ZNF772: variants seen among roughly 807,000 people sequenced by gnomAD.
The protein encoded by ZNF772 is zinc finger protein 772.
In ZNF772, 8 loss-of-function variants were observed where a neutral mutation model predicts 11.0. That is an observed-to-expected ratio of 0.73 (90% confidence interval 0.43 to 1.31). ZNF772 has a LOEUF of 1.31. Ranked by LOEUF, ZNF772 falls within the 50% of genes most tolerant of loss-of-function variation. The pLI is 0.01. For synonymous variants in ZNF772, 155 were observed against 180.4 expected, an observed-to-expected ratio of 0.86 and a Z score of 1.13; for missense variants, 496 against 552.3, an observed-to-expected ratio of 0.90 and a Z score of 1.02.
intron 3 of ZNF772, 21 bp from the exon 4 acceptor site, chr19:57,474,442 G>A: frequency 6.3e-7 from 1 of 1,588,770 alleles, no homozygotes; most frequent in Non-Finnish European, 8.5e-7. Flanking sequence ...AGAAATGCTG[G>A]TGAAGTACAA....
In ZNF772 at chr19:57,474,431, G is replaced by C. The variant is rs2089259470; in HGVS notation, c.200-10C>G. 3.8e-6 allele frequency: 6 copies of C among 1,594,096 alleles called. No individual in the cohort carries two copies. The highest frequency in any genetic ancestry group is 4.3e-6 in the Non-Finnish European group (5 of 1,172,956). ...ATTCCATGCCAACAACCTGAAAGCAGAGAAATGCTGGTGAAGTACAAATTG... is the reference window on the plus strand; with the variant it reads ...ATTCCATGCCAACAACCTGAAAGCACAGAAATGCTGGTGAAGTACAAATTG... On this transcript the variant is annotated splice_polypyrimidine_tract_variant and intron_variant, in intron 3 of 3. Coordinates refer to ENST00000356584, the MANE Select transcript of ZNF772 (RefSeq NM_001144068.2).
chr19:57,472,818 GA>G lies in ZNF772; in HGVS notation c.*455del, dbSNP rs2089231005. The G allele has an allele frequency of 6.1e-6, 1 of 163,328 alleles. No homozygotes were observed. Among genetic ancestry groups the G allele is most frequent in the African/African-American group, 2.4e-5 (1 of 41,678 alleles). 10.1% of individuals were successfully genotyped at this position (163,328 alleles called of 1,614,324 possible). A position where few individuals can be genotyped will look rare whatever the true frequency, so the allele number is the denominator to read the frequency against. ...GTGAGATCAACTATATCCATGAAGG[GA>G]AACCTCTGCCAGTGGTCAGCAGAAC... On this transcript the variant is annotated 3_prime_UTR_variant, in exon 4 of 4. Transcript: ENST00000356584.
intron 3 of ZNF772, among the ~76,000 whole-genome samples, chr19:57,474,720 T>C (rs2089262719): frequency 6.6e-6 from 1 of 152,234 alleles, no homozygotes; most frequent in South Asian, 2.1e-4. Context: ...GTGAGAGTTG[T>C]GCAGAAGGTT....
chr19:57,475,789 G>T lies in ZNF772; in HGVS notation c.73-3C>A. The stretch of plus-strand genomic sequence containing the variant: ...ACGTCCTCAAAGTTCACCTGCCCCT[G>T]CCACAATCAGGAGAGCCAAGTCCAT... On this transcript the variant is annotated splice_polypyrimidine_tract_variant and splice_region_variant and intron_variant, in intron 2 of 3. Coordinates refer to ENST00000356584, the MANE Select transcript of ZNF772 (RefSeq NM_001144068.2). The surrounding 1 kb of genome is among the most constrained non-coding windows in gnomAD (Gnocchi z 4.2). 6.3e-7 allele frequency: 1 copy of T among 1,593,250 alleles called. No individual in the cohort carries two copies. Among genetic ancestry groups the T allele is most frequent in the Non-Finnish European group, 8.5e-7 (1 of 1,170,072 alleles).
At position 57,477,355 on chromosome 19, in the gene ZNF772, G is replaced by T; in HGVS notation, c.-46C>A. ...GGGTGGCGACAAGTGCAGGAACCTG[G>T]GATCAGCTGTCCAGGGCCCAGCCCA... On this transcript the variant is annotated 5_prime_UTR_variant, in exon 1 of 4. Transcript: ENST00000356584. 6.2e-7 allele frequency: 1 copy of T among 1,611,288 alleles called. No homozygotes were observed. The highest frequency in any genetic ancestry group is 8.5e-7 in the Non-Finnish European group (1 of 1,178,732).
rs1411356996 is a variant in ZNF772, at chr19:57,472,963, G to A, written c.*311C>T. ...CTACTGATGATTCCCTCCAGGGAAG[G>A]GAATAGTACAGAGGTCTGTCTTTTG... On this transcript the variant is annotated 3_prime_UTR_variant, in exon 4 of 4. Transcript: ENST00000356584. 20 of 315,162 alleles carry A rather than the reference G, an allele frequency of 6.3e-5. No homozygotes were observed. The Admixed American group carries it at 8.4e-4, about 13-fold the overall frequency. The allele number at this position is 315,162 out of a possible 1,614,324, so 19.5% of individuals were successfully genotyped here. A position where few individuals can be genotyped will look rare whatever the true frequency, so the allele number is the denominator to read the frequency against.
chr19:57,473,441 C>G lies in ZNF772; in HGVS notation c.1180G>C (p.Val394Leu). The G allele has an allele frequency of 6.2e-7, 1 of 1,614,018 alleles. No individual in the cohort carries two copies. Among genetic ancestry groups the G allele is most frequent in the Non-Finnish European group, 8.5e-7 (1 of 1,180,004 alleles). ...QRVHNGEKPYVCSECGKAFSH... is the reference protein window; with the variant it reads ...QRVHNGEKPYLCSECGKAFSH... The stretch of plus-strand genomic sequence containing the variant: ...AAGGCTTTTCCACATTCACTGCACA[C>G]ATAAGGCTTTTCACCATTATGAACT... Residue 394 changes from valine to leucine, a missense_variant, in exon 4 of 4, where the codon GTG becomes CTG. Transcript: ENST00000356584.
In ZNF772 at chr19:57,477,457, G is replaced by T; in HGVS notation, c.-148C>A. 1 of 765,808 alleles carries T rather than the reference G, an allele frequency of 1.3e-6. No homozygotes were observed. Among genetic ancestry groups the T allele is most frequent in the South Asian group, 1.9e-5 (1 of 51,496 alleles). 47.4% of individuals were successfully genotyped at this position (765,808 alleles called of 1,614,324 possible). A position where few individuals can be genotyped will look rare whatever the true frequency, so the allele number is the denominator to read the frequency against. On this transcript the variant is annotated 5_prime_UTR_variant, in exon 1 of 4. Coordinates refer to ENST00000356584, the MANE Select transcript of ZNF772 (RefSeq NM_001144068.2). ...TTCAGGGAAGAAGACACTCTCTCAC[G>T]TTTTCCCTTTTCTGTCACCTCAGGT...
chr19:57,475,072 C>A lies in ZNF772; in HGVS notation c.199+588G>T. ...TCTGTGGCAACAGCTAGGGTCATGT[C>A]CACCCAGTCAGGTACCCAGGGCTCA... On this transcript the variant is annotated intron_variant, in intron 3 of 3. Coordinates refer to ENST00000356584, the MANE Select transcript of ZNF772 (RefSeq NM_001144068.2). This position sits in a 1 kb window ranked among gnomAD's most constrained non-coding sequence, Gnocchi z 4.2. The A allele has an allele frequency of 6.2e-7, 1 of 1,614,226 alleles. No homozygotes were observed. Among genetic ancestry groups the A allele is most frequent in the Non-Finnish European group, 8.5e-7 (1 of 1,180,034 alleles).
Position 57,473,289 on chromosome 19 carries a change from A to G in ZNF772, c.1332T>C (p.Thr444=). ...ATCTCCCATCCTAAGGCCTTTCTCCAGTGTGAATTTTCCAGTGGCGGATGA... is the reference window on the plus strand; with the variant it reads ...ATCTCCCATCCTAAGGCCTTTCTCCGGTGTGAATTTTCCAGTGGCGGATGA... The part of the protein sequence containing the change: ...ASLIRHWKIH[T]GERP Residue 444 remains threonine (T), a synonymous_variant, in exon 4 of 4, where the codon ACT becomes ACC. Transcript: ENST00000356584. 1 of 1,612,874 alleles carries G rather than the reference A, an allele frequency of 6.2e-7. No homozygotes were observed. Among genetic ancestry groups the G allele is most frequent in the African/African-American group, 1.3e-5 (1 of 75,016 alleles).
rs1280495886 is a variant in ZNF772, at chr19:57,470,878, G to A, written c.*2396C>T. On this transcript the variant is annotated 3_prime_UTR_variant, in exon 4 of 4. Coordinates refer to ENST00000356584, the MANE Select transcript of ZNF772 (RefSeq NM_001144068.2). ...CAAACAGATGGACGGACAGACAGATGTATATATAACTAGTATAGCCCTCCA... is the reference window on the plus strand; with the variant it reads ...CAAACAGATGGACGGACAGACAGATATATATATAACTAGTATAGCCCTCCA... 1 of 152,110 alleles carries A rather than the reference G, an allele frequency of 6.6e-6. No homozygotes were observed. Among genetic ancestry groups the A allele is most frequent in the East Asian group, 1.9e-4 (1 of 5,186 alleles). The allele number at this position is 152,110 out of a possible 1,614,324, so 9.4% of individuals were successfully genotyped here. A position where few individuals can be genotyped will look rare whatever the true frequency, so the allele number is the denominator to read the frequency against.
rs1295345897 is a variant in ZNF772, at chr19:57,471,235, G to A, written c.*2039C>T. The A allele has an allele frequency of 6.6e-6, 1 of 151,948 alleles. No homozygotes were observed. The highest frequency in any genetic ancestry group is 1.9e-4 in the East Asian group (1 of 5,190). 9.4% of individuals were successfully genotyped at this position (151,948 alleles called of 1,614,324 possible). On this transcript the variant is annotated 3_prime_UTR_variant, in exon 4 of 4. Transcript: ENST00000356584. ...TGATACCAAAGCCAAACCTGGGCAA[G>A]ATATAAAATTACAAAGAAAAAAAAG... is the stretch of plus-strand genomic sequence containing the variant.
chr19:57,473,672 C>T lies in ZNF772; in HGVS notation c.949G>A (p.Ala317Thr), dbSNP rs1322900083. 6.2e-7 allele frequency: 1 copy of T among 1,613,790 alleles called. No individual in the cohort carries two copies. Among genetic ancestry groups the T allele is most frequent in the Admixed American group, 1.7e-5 (1 of 59,994 alleles). The change falls in exon 4 of 4, where the codon GCC (alanine) becomes ACC (threonine). Residue 317 changes from alanine to threonine, a missense_variant. Physicochemically the swap from Ala to Thr is moderately conservative, Grantham distance 58. Coordinates refer to ENST00000356584, the MANE Select transcript of ZNF772 (RefSeq NM_001144068.2). ...ACAAGTGTAGATTTGTGACTATAGG[C>T]TTTCCCACATTCACTGCACTTGTAA... ...RPYKCSECGK[A>T]YSHKSTLVQH...
At position 57,475,182 on chromosome 19, in the gene ZNF772, C is replaced by G; in HGVS notation, c.199+478G>C. On this transcript the variant is annotated intron_variant, in intron 3 of 3. Coordinates refer to ENST00000356584, the MANE Select transcript of ZNF772 (RefSeq NM_001144068.2). The surrounding 1 kb of genome is among the most constrained non-coding windows in gnomAD (Gnocchi z 4.2). ...GATAGAACAGCACTGGTCTGGGTAA[C>G]CCATATAGAAAACTAAATATTATTA... 1 of 1,609,308 alleles carries G rather than the reference C, an allele frequency of 6.2e-7. No individual in the cohort carries two copies. Among genetic ancestry groups the G allele is most frequent in the Non-Finnish European group, 8.5e-7 (1 of 1,177,224 alleles).
In ZNF772 at chr19:57,473,164, A is replaced by G; in HGVS notation, c.*110T>C. ...AGAACCTCCCCAGGGTGAGTGTTTG[A>G]GTGTATAAAGTTCTACTTCTGGCTG... On this transcript the variant is annotated 3_prime_UTR_variant, in exon 4 of 4. Coordinates refer to ENST00000356584, the MANE Select transcript of ZNF772 (RefSeq NM_001144068.2). The G allele has an allele frequency of 9.4e-7, 1 of 1,066,880 alleles. No individual in the cohort carries two copies. Among genetic ancestry groups the G allele is most frequent in the East Asian group, 2.6e-5 (1 of 39,080 alleles). The allele number at this position is 1,066,880 out of a possible 1,614,324, so 66.1% of individuals were successfully genotyped here.
Position 57,473,148 on chromosome 19 carries a change from C to T in ZNF772, c.*126G>A. On this transcript the variant is annotated 3_prime_UTR_variant, in exon 4 of 4. Transcript: ENST00000356584. ...ATAGCTGGCACTCGGAAGAACCTCC[C>T]CAGGGTGAGTGTTTGAGTGTATAAA... 2.1e-6 allele frequency: 2 copies of T among 943,010 alleles called. No homozygotes were observed. Among genetic ancestry groups the T allele is most frequent in the Non-Finnish European group, 3.1e-6 (2 of 647,630 alleles). 58.4% of individuals were successfully genotyped at this position (943,010 alleles called of 1,614,324 possible).
rs1415783747 is a variant in ZNF772, at chr19:57,472,024, T to C, written c.*1250A>G. On this transcript the variant is annotated 3_prime_UTR_variant, in exon 4 of 4. Coordinates refer to ENST00000356584, the MANE Select transcript of ZNF772 (RefSeq NM_001144068.2). ...ATGGTACACTATAAATATGTGCAGT[T>C]TATTGCAAAAATGTTTAGACTGACT... The C allele has an allele frequency of 2.3e-6, 1 of 429,764 alleles. No homozygotes were observed. The highest frequency in any genetic ancestry group is 4.6e-6 in the Non-Finnish European group (1 of 216,410). The allele number at this position is 429,764 out of a possible 1,614,324, so 26.6% of individuals were successfully genotyped here.
rs376290892 is a variant in ZNF772 at position 57,475,769 on chromosome 19, C to G, written c.90G>C (p.Glu30Asp). 14 of 1,604,534 alleles carry G rather than the reference C, an allele frequency of 8.7e-6. No individual in the cohort carries two copies. In the African/African-American group the frequency reaches 1.7e-4, roughly 20 times the overall value. The change falls in exon 3 of 4, where the codon GAG (glutamate) becomes GAC (aspartate). Residue 30 changes from glutamate (E) to aspartate (D), a missense_variant. Transcript: ENST00000356584. This position sits in a 1 kb window ranked among gnomAD's most constrained non-coding sequence, Gnocchi z 4.2. ...VDPIQGQVNF[E>D]DVFVYFSQEE... ...CCTGGGAGAAGTACACGAACACGTC[C>G]TCAAAGTTCACCTGCCCCTGCCACA...
Position 57,475,508 on chromosome 19 carries a change from C to T in ZNF772, c.199+152G>A, listed in dbSNP as rs2089272599. 3 of 1,256,082 alleles carry T rather than the reference C, an allele frequency of 2.4e-6. No individual in the cohort carries two copies. Among genetic ancestry groups the T allele is most frequent in the African/African-American group, 1.5e-5 (1 of 67,924 alleles). The allele number at this position is 1,256,082 out of a possible 1,614,324, so 77.8% of individuals were successfully genotyped here. A position where few individuals can be genotyped will look rare whatever the true frequency, so the allele number is the denominator to read the frequency against. On this transcript the variant is annotated intron_variant, in intron 3 of 3. Coordinates refer to ENST00000356584, the MANE Select transcript of ZNF772 (RefSeq NM_001144068.2). This position sits in a 1 kb window ranked among gnomAD's most constrained non-coding sequence, Gnocchi z 4.2. ...CAAAAGGAGAAAGTAGGAGTGCAAACAGCCCAAGCCCAGCACTCACAGAAC... is the reference window on the plus strand; with the variant it reads ...CAAAAGGAGAAAGTAGGAGTGCAAATAGCCCAAGCCCAGCACTCACAGAAC...
Sources: allele counts gnomAD v4.1 joint callset (sites outside exome capture counted in the v4.1 genomes callset), GRCh38; gene constraint gnomAD v4.1.1; non-coding constraint Gnocchi (gnomAD v3.1); transcripts MANE v1.5; gene names NCBI Gene and HGNC (gene_info 2026-07-23, HGNC 2026-07-21).